The following APMAP variants were observed in gnomAD, a reference collection of about 807,000 sequenced individuals.
APMAP encodes the protein adipocyte plasma membrane associated protein.
APMAP carries 33 observed loss-of-function variants against 43.6 expected under a neutral mutation model. The observed-to-expected ratio is 0.76, with a 90% CI of 0.57 to 1.01. The LOEUF (loss-of-function observed/expected upper bound fraction) is 1.01, where lower values mean the gene tolerates loss of function less well. APMAP is among the 50% of genes least tolerant of loss of function. The probability of loss-of-function intolerance (pLI) is 0.00; values close to 1 mark genes in which losing one functional copy is unlikely to be tolerated. For missense variants in APMAP, 498 were observed against 540.7 expected, an observed-to-expected ratio of 0.92 and a Z score of 0.78; for synonymous variants, 224 against 216.7, an observed-to-expected ratio of 1.03 and a Z score of -0.30.
chr20:24,986,819 C>T (rs552476392), intron 1 of APMAP, among the ~76,000 whole-genome samples: 38 of 152,220 alleles, frequency 2.5e-4, no homozygotes, highest in Non-Finnish European at 4.6e-4. Flanking sequence ...CCAGATGTGA[C>T]TCTATGGCTG....
rs754433059 is a variant in APMAP at position 24,964,020 on chromosome 20, G to C, written c.1044C>G (p.Leu348=). The change falls in exon 9 of 9, where the codon CTC becomes CTG. Residue 348 remains leucine (L), a splice_region_variant and synonymous_variant. Transcript: ENST00000217456. ...ACTTCATCACCGTCTCTTGACTAAAGAGCTAGAGGGAAGCACAGTGCAGGG... is the reference window on the plus strand; with the variant it reads ...ACTTCATCACCGTCTCTTGACTAAACAGCTAGAGGGAAGCACAGTGCAGGG... ...RPWIKRMIFK[L]FSQETVMKFV... The C allele has an allele frequency of 4.3e-6, 7 of 1,614,170 alleles. No homozygotes were observed. The South Asian group carries it at 6.6e-5, about 15-fold the overall frequency.
At chr20:24,968,354 T>G (rs2087964096) in intron 8 of APMAP, among the ~76,000 whole-genome samples, 1 of 152,074 alleles carries the variant, frequency 6.6e-6, no homozygotes, top group Non-Finnish European at 1.5e-5. Context: ...AGGGCAGAAC[T>G]CCATAGAGAA....
chr20:24,964,255 C>T (rs1359933082), intron 8 of APMAP: 2 of 675,518 alleles, frequency 3.0e-6, no homozygotes, highest in Non-Finnish European at 5.6e-6. Flanking sequence ...AAAGAGGCTC[C>T]CCAGCACAAG....
chr20:24,983,967 G>C lies in APMAP; in HGVS notation c.148C>G (p.Leu50Val), dbSNP rs758999671. 31 of 1,613,900 alleles carry C rather than the reference G, an allele frequency of 1.9e-5. No homozygotes were observed. Among genetic ancestry groups the C allele is most frequent in the Non-Finnish European group, 2.5e-5 (30 of 1,179,990 alleles). ...RVTFLMLAVS[L>V]TVPLLGAMML... ...ATGGCTCCAAGCAGGGGAACGGTGAGAGAAACAGCCAGCATCAAGAAGGTC... is the reference window on the plus strand; with the variant it reads ...ATGGCTCCAAGCAGGGGAACGGTGACAGAAACAGCCAGCATCAAGAAGGTC... Residue 50 changes from leucine (L) to valine (V), a missense_variant, in exon 2 of 9, where the codon CTC becomes GTC. Leu to Val is a conservative substitution (Grantham distance 32, BLOSUM62 1). Transcript: ENST00000217456.
chr20:24,981,358 A>C (rs2088103132), intron 2 of APMAP, among the ~76,000 whole-genome samples: 1 of 152,256 alleles, frequency 6.6e-6, no homozygotes, highest in Non-Finnish European at 1.5e-5. Flanking sequence ...AAGTGAAGAA[A>C]GCCTGCACTA....
rs1396412407 is a variant in APMAP, at chr20:24,983,904, T to C, written c.211A>G (p.Ser71Gly). The C allele has an allele frequency of 6.2e-7, 1 of 1,603,718 alleles. No individual in the cohort carries two copies. The highest frequency in any genetic ancestry group is 8.5e-7 in the Non-Finnish European group (1 of 1,171,440). Reference sequence around the variant, plus strand: ...CCTGAGGACTGCGGGGCAGCCTACCTGAGAGGCTGTGGATCTATAGGAGAT... The same window carrying C: ...CCTGAGGACTGCGGGGCAGCCTACCCGAGAGGCTGTGGATCTATAGGAGAT... ...LESPIDPQPL[S>G]FKEPPLLLGV... The change falls in exon 2 of 9, where the codon AGC becomes GGC. Residue 71 changes from serine to glycine, a missense_variant and splice_region_variant. Physicochemically the swap from Ser to Gly is moderately conservative, Grantham distance 56. Transcript: ENST00000217456.
At chr20:24,984,160 T>C in intron 1 of APMAP, 141 bp from the exon 2 acceptor site, 2 of 622,368 alleles carry the variant, frequency 3.2e-6, no homozygotes, top group South Asian at 1.9e-5. Context: ...TGGCTTGTGA[T>C]TAAACTCTAG....
intron 5 of APMAP, 58 bp from the exon 6 acceptor site, chr20:24,970,429 C>T (rs1397842151): frequency 6.8e-7 from 1 of 1,469,448 alleles, no homozygotes; most frequent in Non-Finnish European, 9.2e-7. Context: ...TCAATAATTG[C>T]AAAATATTAA....
At chr20:24,968,258 G>A (rs2087963208) in intron 8 of APMAP, among the ~76,000 whole-genome samples, 1 of 152,206 alleles carries the variant, frequency 6.6e-6, no homozygotes, top group South Asian at 2.1e-4. Context: ...AGGGGCTGTT[G>A]TGTTGAAGGG....
chr20:24,976,385 G>C (rs1458456544), intron 3 of APMAP, among the ~76,000 whole-genome samples: 1 of 152,050 alleles, frequency 6.6e-6, no homozygotes, highest in Non-Finnish European at 1.5e-5. Flanking sequence ...ATGGGCAAAA[G>C]GCCTGAACAG....
intron 5 of APMAP, among the ~76,000 whole-genome samples, 191 bp downstream of exon 5, chr20:24,971,269 T>A (rs964192639): frequency 3.9e-5 from 6 of 152,172 alleles, no homozygotes; most frequent in African/African-American, 1.2e-4. Flanking sequence ...AATGGAATCA[T>A]GGGTAGGGAG....
chr20:24,978,882 G>A lies in APMAP; in HGVS notation c.213C>T (p.Ser71=), dbSNP rs780023247. The part of the protein sequence containing the change: ...LESPIDPQPL[S]FKEPPLLLGV... ...CAAGCAAGAGCGGGGGTTCTTTGAA[G>A]CTGCAAAATAATGCAATTCCAGAGA... Residue 71 remains serine (S), a splice_region_variant and synonymous_variant, in exon 3 of 9, where the codon AGC becomes AGT. Coordinates refer to ENST00000217456, the MANE Select transcript of APMAP (RefSeq NM_020531.3). The A allele has an allele frequency of 1.2e-6, 2 of 1,610,236 alleles. No individual in the cohort carries two copies. The highest frequency in any genetic ancestry group is 4.5e-5 in the East Asian group (2 of 44,868).
intron 6 of APMAP, 140 bp from the exon 7 acceptor site, chr20:24,969,800 G>A (rs888712519): frequency 5.8e-6 from 7 of 1,211,820 alleles, no homozygotes; most frequent in South Asian, 4.8e-5. Flanking sequence ...AACTTGATTC[G>A]AGGCTGGCCC....
chr20:24,964,674 G>A (rs2087928560), intron 8 of APMAP, among the ~76,000 whole-genome samples: 1 of 152,196 alleles, frequency 6.6e-6, no homozygotes, highest in South Asian at 2.1e-4. Flanking sequence ...AGAACAGATG[G>A]CGAGAGGCGT....
intron 1 of APMAP, among the ~76,000 whole-genome samples, chr20:24,984,675 T>G (rs1385890009): frequency 2.0e-5 from 3 of 152,218 alleles, no homozygotes; most frequent in Non-Finnish European, 4.4e-5. Flanking sequence ...AAGTCATCAC[T>G]CCTGAACCCT....
intron 4 of APMAP, among the ~76,000 whole-genome samples, chr20:24,973,229 T>C (rs914056063): frequency 1.3e-5 from 2 of 152,236 alleles, no homozygotes; most frequent in African/African-American, 2.4e-5. Context: ...TATTCTCACT[T>C]ACAGGGCTGA....
intron 8 of APMAP, among the ~76,000 whole-genome samples, chr20:24,966,053 C>T (rs1293469460): frequency 2.6e-5 from 4 of 152,152 alleles, no homozygotes; most frequent in African/African-American, 4.8e-5. Flanking sequence ...CTGGGAGCAG[C>T]GACACCCAAA....
At chr20:24,965,699 T>A (rs2087936792) in intron 8 of APMAP, among the ~76,000 whole-genome samples, 1 of 152,258 alleles carries the variant, frequency 6.6e-6, no homozygotes, top group African/African-American at 2.4e-5. Flanking sequence ...CAGCACATGG[T>A]CAGGGAGGAA....
intron 1 of APMAP, among the ~76,000 whole-genome samples, chr20:24,991,121 G>A (rs1436289584): frequency 6.6e-6 from 1 of 152,156 alleles, no homozygotes; most frequent in African/African-American, 2.4e-5. Flanking sequence ...CTTGAGAGTT[G>A]GGACTACCTA....
Sources: gnomAD v4.1 joint callset for allele counts (sites outside exome capture counted in the v4.1 genomes callset) on GRCh38, gnomAD v4.1.1 for gene constraint, MANE v1.5 for transcripts, NCBI Gene and HGNC (gene_info 2026-07-23, HGNC 2026-07-21) for gene names.